Variants in HABP4 observed in about 807,000 individuals in gnomAD.
HABP4 encodes the protein hyaluronan binding protein 4.
In HABP4, 32 loss-of-function variants were observed where a neutral mutation model predicts 44.1. That is an observed-to-expected ratio of 0.73 (90% CI 0.55 to 0.97). The LOEUF (loss-of-function observed/expected upper bound fraction) is 0.97. Among genes scored for constraint, HABP4 ranks in the 50% least tolerant of loss-of-function variants. HABP4 has a pLI of 0.00. For synonymous variants in HABP4, 216 were observed against 218.0 expected, an observed-to-expected ratio of 0.99 and a Z score of 0.08; for missense variants, 503 against 561.9, an observed-to-expected ratio of 0.90 and a Z score of 1.06.
intron 2 of HABP4, 83 bp downstream of exon 2, chr9:96,458,624 TTC>T: frequency 5.2e-6 from 5 of 954,578 alleles, no homozygotes; most frequent in Non-Finnish European, 7.8e-6. Flanking sequence ...TTTTCTTTCT[TTC>T]TTTTTTTTTT....
chr9:96,482,541 A>T (rs961682498), intron 5 of HABP4, among the ~76,000 whole-genome samples: 3 of 152,168 alleles, frequency 2.0e-5, no homozygotes, highest in Non-Finnish European at 2.9e-5. Context: ...AAAGTGTACA[A>T]TTCAGTGGCA....
intron 6 of HABP4, among the ~76,000 whole-genome samples, chr9:96,486,852 T>C (rs1429320179): frequency 6.6e-6 from 1 of 151,966 alleles, no homozygotes; most frequent in Non-Finnish European, 1.5e-5. Flanking sequence ...GCCCAAGCCT[T>C]AGACTGTGTC....
chr9:96,473,023 T>G (rs1307321927), intron 5 of HABP4, among the ~76,000 whole-genome samples: 1 of 152,242 alleles, frequency 6.6e-6, no homozygotes, highest in Admixed American at 6.5e-5. Flanking sequence ...GGCTCATCCT[T>G]GTCTTTCGGG....
At chr9:96,480,361 A>G (rs1244866064) in intron 5 of HABP4, among the ~76,000 whole-genome samples, 3 of 152,060 alleles carry the variant, frequency 2.0e-5, no homozygotes, top group Non-Finnish European at 4.4e-5. Flanking sequence ...TTTTTCACCA[A>G]GTTCTTTTCT....
At chr9:96,470,909 A>G (rs1823559507) in intron 4 of HABP4, 102 bp from the exon 5 acceptor site, 5 of 749,002 alleles carry the variant, frequency 6.7e-6, no homozygotes, top group Non-Finnish European at 1.2e-5. Context: ...AAAAAAAAAA[A>G]ACCCAAAAAA....
intron 4 of HABP4, among the ~76,000 whole-genome samples, chr9:96,467,978 C>G (rs763331191): frequency 7.9e-5 from 12 of 152,218 alleles, no homozygotes; most frequent in Non-Finnish European, 1.3e-4. Flanking sequence ...GAGGTGACCA[C>G]TTGTGGCCCT....
At chr9:96,453,544 C>G (rs1832323777) in intron 1 of HABP4, among the ~76,000 whole-genome samples, 1 of 152,168 alleles carries the variant, frequency 6.6e-6, no homozygotes, top group African/African-American at 2.4e-5. Flanking sequence ...GACTATCTGT[C>G]TAGCAATATG....
intron 1 of HABP4, among the ~76,000 whole-genome samples, chr9:96,451,637 C>T (rs1274972187): frequency 6.6e-6 from 1 of 152,170 alleles, no homozygotes; most frequent in Non-Finnish European, 1.5e-5. Flanking sequence ...AGTATTAGGG[C>T]TTTGATGTGC....
intron 1 of HABP4, among the ~76,000 whole-genome samples, chr9:96,456,675 G>A (rs1212713898): frequency 2.7e-5 from 4 of 148,648 alleles, no homozygotes; most frequent in Admixed American, 2.0e-4. Flanking sequence ...CAGGAGAATG[G>A]CGTGAACCCG....
At chr9:96,467,129 G>T (rs1416768042) in intron 4 of HABP4, among the ~76,000 whole-genome samples, 1 of 151,912 alleles carries the variant, frequency 6.6e-6, no homozygotes, top group Non-Finnish European at 1.5e-5. Context: ...CACCACATTG[G>T]TCAGGCTGGT....
chr9:96,450,523 A>C lies in HABP4; in HGVS notation c.244A>C (p.Arg82=). 8.2e-7 allele frequency: 1 copy of C among 1,224,538 alleles called. No homozygotes were observed. Among genetic ancestry groups the C allele is most frequent in the Non-Finnish European group, 1.0e-6 (1 of 982,904 alleles). 75.9% of individuals were successfully genotyped at this position (1,224,538 alleles called of 1,614,324 possible). A position where few individuals can be genotyped will look rare whatever the true frequency, so the allele number is the denominator to read the frequency against. Residue 82 remains arginine (R), a synonymous_variant, in exon 1 of 8, where the codon AGA becomes CGA. Coordinates refer to ENST00000375249, the MANE Select transcript of HABP4 (RefSeq NM_014282.4). The surrounding 1 kb of genome is among the most constrained non-coding windows in gnomAD (Gnocchi z 4.8). ...GAGCCCAGCCGGGGCCTCGGGCCACAGAGCCGGCGCGGGCGGCCGGAGGGA... is the reference window on the plus strand; with the variant it reads ...GAGCCCAGCCGGGGCCTCGGGCCACCGAGCCGGCGCGGGCGGCCGGAGGGA... ...GRSPAGASGH[R]AGAGGRRESQ... is the part of the protein sequence containing the mutation.
At chr9:96,487,982 C>T (rs1015357078) in intron 6 of HABP4, 107 bp from the exon 7 acceptor site, 6 of 778,444 alleles carry the variant, frequency 7.7e-6, no homozygotes, top group African/African-American at 3.4e-5. Context: ...TCTGACTAGC[C>T]CCTGATGGTG....
chr9:96,486,333 C>T (rs1209747204), intron 6 of HABP4, among the ~76,000 whole-genome samples: 2 of 152,222 alleles, frequency 1.3e-5, no homozygotes, highest in African/African-American at 4.8e-5. Context: ...AGCTTTATTT[C>T]CCTGGCAATC....
chr9:96,450,654 G>T lies in HABP4; in HGVS notation c.349+26G>T. ...GTACGCGGGGACAGCGGGGTTAGCG[G>T]ACCACGGCTCGGCCCGCTGTGAGAC... is the stretch of plus-strand genomic sequence containing the variant. On this transcript the variant is annotated intron_variant, in intron 1 of 7. Coordinates refer to ENST00000375249, the MANE Select transcript of HABP4 (RefSeq NM_014282.4). This position sits in a 1 kb window ranked among gnomAD's most constrained non-coding sequence, Gnocchi z 4.8. The T allele has an allele frequency of 1.6e-6, 2 of 1,254,576 alleles. No homozygotes were observed. The highest frequency in any genetic ancestry group is 5.9e-5 in the South Asian group (2 of 33,962). The allele number at this position is 1,254,576 out of a possible 1,614,324, so 77.7% of individuals were successfully genotyped here.
At chr9:96,451,500 A>G (rs1187829901) in intron 1 of HABP4, 1 of 982,820 alleles carries the variant, frequency 1.0e-6, no homozygotes, top group East Asian at 1.1e-4. Context: ...GCAGAGTGTT[A>G]GGATTAAGAT....
chr9:96,450,571 C>T lies in HABP4; in HGVS notation c.292C>T (p.Leu98Phe), dbSNP rs1192156876. Residue 98 changes from leucine to phenylalanine, a missense_variant, in exon 1 of 8, where the codon CTC becomes TTC. Physicochemically the swap from Leu to Phe is conservative, Grantham distance 22. Coordinates refer to ENST00000375249, the MANE Select transcript of HABP4 (RefSeq NM_014282.4). This position sits in a 1 kb window ranked among gnomAD's most constrained non-coding sequence, Gnocchi z 4.8. ...RRESQKERKS[L>F]PAPVAQRPDS... is the part of the protein sequence containing the mutation. Reference sequence around the variant, plus strand: ...GGAGTCGCAGAAGGAGCGCAAGAGCCTCCCGGCGCCCGTCGCTCAGCGGCC... The same window carrying T: ...GGAGTCGCAGAAGGAGCGCAAGAGCTTCCCGGCGCCCGTCGCTCAGCGGCC... The T allele has an allele frequency of 1.3e-5, 16 of 1,279,206 alleles. No individual in the cohort carries two copies. Among genetic ancestry groups the T allele is most frequent in the Admixed American group, 3.8e-5 (1 of 26,408 alleles). 79.2% of individuals were successfully genotyped at this position (1,279,206 alleles called of 1,614,324 possible).
At chr9:96,477,450 C>T (rs1832799994) in intron 5 of HABP4, among the ~76,000 whole-genome samples, 1 of 152,144 alleles carries the variant, frequency 6.6e-6, no homozygotes, top group Non-Finnish European at 1.5e-5. Context: ...ACTTCTGCCT[C>T]CCCCAGGGTA....
At position 96,465,397 on chromosome 9, in the gene HABP4, T is replaced by C; in HGVS notation, c.573T>C (p.Gly191=). The change falls in exon 3 of 8, where the codon GGT becomes GGC. Residue 191 remains glycine, a synonymous_variant. Coordinates refer to ENST00000375249, the MANE Select transcript of HABP4 (RefSeq NM_014282.4). ...GAGGACGTGGAGGCCCGAGAGGGGG[T>C]ATGCGCGGCAGAGGCAGAGGTGGCC... ...PLRGRGGPRG[G]MRGRGRGGPG... 1 of 1,608,238 alleles carries C rather than the reference T, an allele frequency of 6.2e-7. No individual in the cohort carries two copies. The highest frequency in any genetic ancestry group is 8.5e-7 in the Non-Finnish European group (1 of 1,174,986).
chr9:96,465,773 T>C lies in HABP4; in HGVS notation c.738T>C (p.Asp246=). ...TTCGAACCTGGGGATCGGGTAAAGA[T>C]ACCAGGTACGGTGTAAGTGTGTGCC... ...CGVRTWGSGK[D]TSDVEPTAPM... is the part of the protein sequence containing the mutation. Residue 246 remains aspartate (D), a synonymous_variant, in exon 4 of 8, where the codon GAT becomes GAC. Transcript: ENST00000375249. 2 of 1,549,436 alleles carry C rather than the reference T, an allele frequency of 1.3e-6. No homozygotes were observed. The highest frequency in any genetic ancestry group is 2.2e-5 in the East Asian group (1 of 44,592).
Sources: allele counts gnomAD v4.1 joint callset (sites outside exome capture counted in the v4.1 genomes callset), GRCh38; gene constraint gnomAD v4.1.1; non-coding constraint Gnocchi (gnomAD v3.1); transcripts MANE v1.5; gene names NCBI Gene and HGNC (gene_info 2026-07-23, HGNC 2026-07-21).